The following INHBB variants were observed in gnomAD, a reference collection of about 807,000 sequenced individuals.
The protein encoded by INHBB is inhibin subunit beta B.
In INHBB, 8 loss-of-function variants were observed where a neutral mutation model predicts 28.9. That is an observed-to-expected ratio of 0.28 (90% CI 0.16 to 0.50). The LOEUF (loss-of-function observed/expected upper bound fraction) is 0.50, where lower values mean the gene tolerates loss of function less well. Among genes scored for constraint, INHBB ranks in the 20% least tolerant of loss-of-function variants. INHBB has a pLI of 0.98. For synonymous variants in INHBB, 293 were observed against 262.7 expected (o/e 1.12, Z -1.12); for missense variants, 499 against 597.8 (o/e 0.83, Z 1.72).
At chr2:120,347,272 A>C (rs1408994503) in intron 1 of INHBB, among the ~76,000 whole-genome samples, 5 of 152,120 alleles carry the variant, frequency 3.3e-5, no homozygotes, top group Non-Finnish European at 7.4e-5. Flanking sequence ...CATCATTTAC[A>C]CAGAGAAAGC....
At chr2:120,346,712 C>G (rs1057227748) in intron 1 of INHBB, 76 bp downstream of exon 1, 7 of 1,303,464 alleles carry the variant, frequency 5.4e-6, no homozygotes, top group Non-Finnish European at 6.9e-6. Flanking sequence ...GCTCCGGCTG[C>G]CACCGCCGCC....
Position 120,346,399 on chromosome 2 carries a change from G to A in INHBB, c.211G>A (p.Asp71Asn). 1 of 1,539,142 alleles carries A rather than the reference G, an allele frequency of 6.5e-7. No individual in the cohort carries two copies. Reference sequence around the variant, plus strand: ...GCGGCCAGAGGAGCTCGGCCGAGTGGACGGCGACTTCCTGGAGGCGGTGAA... The same window carrying A: ...GCGGCCAGAGGAGCTCGGCCGAGTGAACGGCGACTTCCTGGAGGCGGTGAA... ...FRRPEELGRV[D>N]GDFLEAVKRH... The change falls in exon 1 of 2, where the codon GAC becomes AAC. Residue 71 changes from aspartate to asparagine, a missense_variant. Coordinates refer to ENST00000295228, the MANE Select transcript of INHBB (RefSeq NM_002193.4).
intron 1 of INHBB, among the ~76,000 whole-genome samples, chr2:120,348,128 C>T (rs950578334): frequency 6.7e-6 from 1 of 148,332 alleles, no homozygotes; most frequent in African/African-American, 2.5e-5. Context: ...ATTAGAGGAG[C>T]CAGGCGAGGC....
Position 120,348,140 on chromosome 2 carries a change from TGAGGTAGG to T in INHBB, c.449-957_449-950del, listed in dbSNP as rs1244078430. Reference sequence around the variant, plus strand: ...GTTATTAGAGGAGCCAGGCGAGGCCTGAGGTAGGGGCTTGGGAGGGGCATGGTGGGAGG... The same window carrying T: ...GTTATTAGAGGAGCCAGGCGAGGCCTGGCTTGGGAGGGGCATGGTGGGAGG... On this transcript the variant is annotated intron_variant, in intron 1 of 1. Transcript: ENST00000295228. Among the ~76,000 whole-genome samples the T allele has an allele frequency of 4.3e-5, 6 of 140,838 alleles. No individual in the cohort carries two copies. In the South Asian group the frequency reaches 6.6e-4, roughly 16 times the overall value. The allele number at this position is 140,838 out of a possible 152,430, so 92.4% of individuals were successfully genotyped here.
Position 120,346,389 on chromosome 2 carries a change from C to A in INHBB, c.201C>A (p.Leu67=). 3.3e-6 allele frequency: 5 copies of A among 1,530,268 alleles called. No homozygotes were observed. Among genetic ancestry groups the A allele is most frequent in the Non-Finnish European group, 4.4e-6 (5 of 1,145,292 alleles). 94.8% of individuals were successfully genotyped at this position (1,530,268 alleles called of 1,614,324 possible). ...SCGGFRRPEE[L]GRVDGDFLEA... Reference sequence around the variant, plus strand: ...GCGGCTTCCGGCGGCCAGAGGAGCTCGGCCGAGTGGACGGCGACTTCCTGG... The same window carrying A: ...GCGGCTTCCGGCGGCCAGAGGAGCTAGGCCGAGTGGACGGCGACTTCCTGG... Residue 67 remains leucine (L), a synonymous_variant, in exon 1 of 2, where the codon CTC becomes CTA. Coordinates refer to ENST00000295228, the MANE Select transcript of INHBB (RefSeq NM_002193.4).
rs993235638 is a variant in INHBB, at chr2:120,349,973, C to G, written c.*99C>G. 1 of 1,207,702 alleles carries G rather than the reference C, an allele frequency of 8.3e-7. No homozygotes were observed. Among genetic ancestry groups the G allele is most frequent in the Admixed American group, 2.3e-5 (1 of 42,882 alleles). 74.8% of individuals were successfully genotyped at this position (1,207,702 alleles called of 1,614,324 possible). A position where few individuals can be genotyped will look rare whatever the true frequency, so the allele number is the denominator to read the frequency against. ...ACGGGGGTACACGGTGGGCTGAGTA[C>G]AGTCATTCTGTTGGGCTGTGGAGAT... On this transcript the variant is annotated 3_prime_UTR_variant, in exon 2 of 2. Transcript: ENST00000295228. This position sits in a 1 kb window ranked among gnomAD's most constrained non-coding sequence, Gnocchi z 5.6.
In INHBB at chr2:120,349,275, G is replaced by A. The variant is rs142763860; in HGVS notation, c.625G>A (p.Gly209Ser). ...AGTGTACTTCCAGGAGCAGGGCCAC[G>A]GTGACAGGTGGAACATGGTGGAGAA... Reference protein sequence around the residue: ...VKVYFQEQGHGDRWNMVEKRV... With the variant: ...VKVYFQEQGHSDRWNMVEKRV... Residue 209 changes from glycine (G) to serine (S), a missense_variant, in exon 2 of 2, where the codon GGT becomes AGT. Gly to Ser is a moderately conservative substitution (Grantham distance 56). Around this residue, in one of 2 missense-constraint regions of INHBB, gnomAD observed 385 missense variants for 415.2 expected, o/e 0.93. Transcript: ENST00000295228. This position sits in a 1 kb window ranked among gnomAD's most constrained non-coding sequence, Gnocchi z 5.6. 991 of 1,614,204 alleles carry A rather than the reference G, an allele frequency of 6.1e-4. 1 individual carries two copies. The highest frequency in any genetic ancestry group is 7.9e-4 in the Non-Finnish European group (934 of 1,180,040).
Position 120,346,288 on chromosome 2 carries a change from C to T in INHBB, c.100C>T (p.Pro34Ser). Residue 34 changes from proline to serine, a missense_variant, in exon 1 of 2, where the codon CCG becomes TCG. Pro to Ser is a moderately conservative substitution (Grantham distance 74). Transcript: ENST00000295228. Reference sequence around the variant, plus strand: ...GGCCTGGGGCTCACCCACGCCCCCGCCGACGCCTGCCGCGCCGCCGCCACC... The same window carrying T: ...GGCCTGGGGCTCACCCACGCCCCCGTCGACGCCTGCCGCGCCGCCGCCACC... ...PEAWGSPTPP[P>S]TPAAPPPPPP... 1 of 1,372,858 alleles carries T rather than the reference C, an allele frequency of 7.3e-7. No individual in the cohort carries two copies. The highest frequency in any genetic ancestry group is 9.3e-7 in the Non-Finnish European group (1 of 1,071,678). 85.0% of individuals were successfully genotyped at this position (1,372,858 alleles called of 1,614,324 possible).
At position 120,351,647 on chromosome 2, in the gene INHBB, G is replaced by A. The variant is rs183806955; in HGVS notation, c.*1773G>A. The stretch of plus-strand genomic sequence containing the variant: ...TAAAAATGACTATGATAGAATGCAG[G>A]TGTGTATCCTTAAATCCTCATCTTT... On this transcript the variant is annotated 3_prime_UTR_variant, in exon 2 of 2. Coordinates refer to ENST00000295228, the MANE Select transcript of INHBB (RefSeq NM_002193.4). 6.6e-6 allele frequency: 1 copy of A among 152,326 alleles called. No homozygotes were observed. Among genetic ancestry groups the A allele is most frequent in the African/African-American group, 2.4e-5 (1 of 41,568 alleles). 9.4% of individuals were successfully genotyped at this position (152,326 alleles called of 1,614,324 possible).
rs966434215 is a variant in INHBB at position 120,350,472 on chromosome 2, G to A, written c.*598G>A. The A allele has an allele frequency of 1.3e-5, 2 of 153,818 alleles. No homozygotes were observed. Among genetic ancestry groups the A allele is most frequent in the African/African-American group, 4.8e-5 (2 of 41,490 alleles). The allele number at this position is 153,818 out of a possible 1,614,324, so 9.5% of individuals were successfully genotyped here. A position where few individuals can be genotyped will look rare whatever the true frequency, so the allele number is the denominator to read the frequency against. On this transcript the variant is annotated 3_prime_UTR_variant, in exon 2 of 2. Transcript: ENST00000295228. ...GATCCTTCGTGCTTCAAGGCCTGGG[G>A]AGCCTGTCCTTCCATGCCCTTGTCG...
rs530494564 is a variant in INHBB at position 120,351,109 on chromosome 2, C to G, written c.*1235C>G. ...CATAGCACTTGCAGACCTGCCTGAA[C>G]GCACATGACATAGCACTTGCCGATC... On this transcript the variant is annotated 3_prime_UTR_variant, in exon 2 of 2. Transcript: ENST00000295228. The G allele has an allele frequency of 6.5e-6, 1 of 152,738 alleles. No homozygotes were observed. Among genetic ancestry groups the G allele is most frequent in the African/African-American group, 2.4e-5 (1 of 41,452 alleles). 9.5% of individuals were successfully genotyped at this position (152,738 alleles called of 1,614,324 possible).
Position 120,349,939 on chromosome 2 carries a change from C to T in INHBB, c.*65C>T, listed in dbSNP as rs1691231335. 6.6e-7 allele frequency: 1 copy of T among 1,511,540 alleles called. No homozygotes were observed. The highest frequency in any genetic ancestry group is 2.3e-5 in the East Asian group (1 of 43,348). 93.6% of individuals were successfully genotyped at this position (1,511,540 alleles called of 1,614,324 possible). On this transcript the variant is annotated 3_prime_UTR_variant, in exon 2 of 2. Coordinates refer to ENST00000295228, the MANE Select transcript of INHBB (RefSeq NM_002193.4). The surrounding 1 kb of genome is among the most constrained non-coding windows in gnomAD (Gnocchi z 5.6). ...AGTCCCGGGTGGGCTTCTTCCAGCCCCCGCGGGAACGGGGGTACACGGTGG... is the reference window on the plus strand; with the variant it reads ...AGTCCCGGGTGGGCTTCTTCCAGCCTCCGCGGGAACGGGGGTACACGGTGG...
In INHBB at chr2:120,346,300, G is replaced by GCGCCGCCGCCACCCC; in HGVS notation, c.117_131dup (p.Pro41_Pro45dup). On this transcript the variant is annotated inframe_insertion, in exon 1 of 2. Transcript: ENST00000295228. Reference sequence around the variant, plus strand: ...ACCCACGCCCCCGCCGACGCCTGCCGCGCCGCCGCCACCCCCGCCACCCGG... The same window carrying GCGCCGCCGCCACCCC: ...ACCCACGCCCCCGCCGACGCCTGCCGCGCCGCCGCCACCCCCGCCGCCGCCACCCCCGCCACCCGG... The GCGCCGCCGCCACCCC allele has an allele frequency of 1.5e-6, 2 of 1,375,976 alleles. No individual in the cohort carries two copies. Among genetic ancestry groups the GCGCCGCCGCCACCCC allele is most frequent in the Non-Finnish European group, 1.9e-6 (2 of 1,072,626 alleles). 85.2% of individuals were successfully genotyped at this position (1,375,976 alleles called of 1,614,324 possible). A position where few individuals can be genotyped will look rare whatever the true frequency, so the allele number is the denominator to read the frequency against.
rs1029443703 is a variant in INHBB, at chr2:120,346,708, G to A, written c.448+72G>A. 6.0e-6 allele frequency: 8 copies of A among 1,327,330 alleles called. No homozygotes were observed. In the Admixed American group the frequency reaches 3.2e-4, roughly 53 times the overall value. 82.2% of individuals were successfully genotyped at this position (1,327,330 alleles called of 1,614,324 possible). A position where few individuals can be genotyped will look rare whatever the true frequency, so the allele number is the denominator to read the frequency against. On this transcript the variant is annotated intron_variant, in intron 1 of 1. Transcript: ENST00000295228. ...GCTCTCCCTCTCCTTGCTAGCTCCGGCTGCCACCGCCGCCACCGCAGCCCG... is the reference window on the plus strand; with the variant it reads ...GCTCTCCCTCTCCTTGCTAGCTCCGACTGCCACCGCCGCCACCGCAGCCCG...
chr2:120,348,674 AAAAAG>A (rs1333579987), intron 1 of INHBB, among the ~76,000 whole-genome samples: 2 of 151,596 alleles, frequency 1.3e-5, no homozygotes, highest in Non-Finnish European at 2.9e-5. Context: ...AAAAAAAAAA[AAAAAG>A]CCCTACTAAA....
intron 1 of INHBB, among the ~76,000 whole-genome samples, chr2:120,347,402 C>CA (rs1014543969): frequency 2.0e-5 from 3 of 150,422 alleles, no homozygotes; most frequent in Non-Finnish European, 3.0e-5. Context: ...TCCGCCCCCC[C>CA]CCCCGGCCCC....
intron 1 of INHBB, 136 bp from the exon 2 acceptor site, chr2:120,348,963 A>G (rs978568123): frequency 5.9e-6 from 6 of 1,024,200 alleles, no homozygotes; most frequent in African/African-American, 4.9e-5. Context: ...GGCCCCAAGA[A>G]TGGTATTTCT....
In INHBB at chr2:120,349,942, G is replaced by A. The variant is rs889993617; in HGVS notation, c.*68G>A. On this transcript the variant is annotated 3_prime_UTR_variant, in exon 2 of 2. Coordinates refer to ENST00000295228, the MANE Select transcript of INHBB (RefSeq NM_002193.4). The surrounding 1 kb of genome is among the most constrained non-coding windows in gnomAD (Gnocchi z 5.6). Reference sequence around the variant, plus strand: ...CCCGGGTGGGCTTCTTCCAGCCCCCGCGGGAACGGGGGTACACGGTGGGCT... The same window carrying A: ...CCCGGGTGGGCTTCTTCCAGCCCCCACGGGAACGGGGGTACACGGTGGGCT... 24 of 1,486,858 alleles carry A rather than the reference G, an allele frequency of 1.6e-5. No individual in the cohort carries two copies. Among genetic ancestry groups the A allele is most frequent in the African/African-American group, 1.1e-4 (8 of 72,550 alleles). 92.1% of individuals were successfully genotyped at this position (1,486,858 alleles called of 1,614,324 possible).
chr2:120,347,077 G>A (rs947435557), intron 1 of INHBB, among the ~76,000 whole-genome samples: 1 of 152,230 alleles, frequency 6.6e-6, no homozygotes, highest in Non-Finnish European at 1.5e-5. Flanking sequence ...GAGAGAGAGT[G>A]TGTGTGTATC....
Sources: allele counts gnomAD v4.1 joint callset (sites outside exome capture counted in the v4.1 genomes callset), GRCh38; gene constraint gnomAD v4.1.1; regional missense constraint gnomAD v4.1.1; non-coding constraint Gnocchi (gnomAD v3.1); transcripts MANE v1.5; gene names NCBI Gene and HGNC (gene_info 2026-07-23, HGNC 2026-07-21).